FGF12: variants seen among roughly 807,000 people sequenced by gnomAD.
The protein encoded by FGF12 is fibroblast growth factor 12, also known as fibroblast growth factor 12B.
FGF12 carries 14 observed loss-of-function variants against 23.6 expected under a neutral mutation model. The observed-to-expected ratio is 0.59, with a 90% CI of 0.39 to 0.93. The LOEUF is 0.93. FGF12 is among the 40% of genes least tolerant of loss of function. FGF12 has a pLI of 0.00. For synonymous variants in FGF12, 62 were observed against 77.3 expected, an observed-to-expected ratio of 0.80 and a Z score of 1.04; for missense variants, 175 against 217.8, an observed-to-expected ratio of 0.80 and a Z score of 1.24.
chr3:192,296,744 T>G lies in FGF12; in HGVS notation c.228+38617A>C, dbSNP rs116196329. Among the ~76,000 whole-genome samples, 1,048 of 152,262 alleles carry G rather than the reference T, an allele frequency of 6.9e-3. 9 individuals carry two copies. The highest frequency in any genetic ancestry group is 0.024 in the African/African-American group (1,001 of 41,546). On this transcript the variant is annotated intron_variant, in intron 4 of 5. Transcript: ENST00000445105. Reference sequence around the variant, plus strand: ...TTCTGTATGAAACTTTTACAATCCCTTAAGAAATGTCCTGCAAATTTGATA... The same window carrying G: ...TTCTGTATGAAACTTTTACAATCCCGTAAGAAATGTCCTGCAAATTTGATA...
chr3:192,465,277 T>C (rs1722977681), intron 2 of FGF12, among the ~76,000 whole-genome samples: 1 of 152,196 alleles, frequency 6.6e-6, no homozygotes, highest in South Asian at 2.1e-4. Flanking sequence ...CTGGCAACAG[T>C]GAAATATTTA....
chr3:192,258,425 T>C (rs1222608474), intron 4 of FGF12, among the ~76,000 whole-genome samples: 1 of 152,052 alleles, frequency 6.6e-6, no homozygotes, highest in East Asian at 1.9e-4. Context: ...ACTACTGCAT[T>C]CCAGCTGGGT....
chr3:192,385,338 GT>G (rs199824698), intron 2 of FGF12, among the ~76,000 whole-genome samples: 2,535 of 152,186 alleles, frequency 0.017, 27 homozygotes, highest in Middle Eastern at 0.075. Context: ...AAGGTAGGTA[GT>G]ATTCAAACTC....
chr3:192,372,816 C>A (rs776458147), intron 2 of FGF12, among the ~76,000 whole-genome samples: 3 of 152,156 alleles, frequency 2.0e-5, no homozygotes, highest in Admixed American at 1.3e-4. Context: ...AAACGTCAGA[C>A]CCTTAGCATG....
At chr3:192,718,196 T>C (rs1349667842) in intron 2 of FGF12, among the ~76,000 whole-genome samples, 1 of 126,920 alleles carries the variant, frequency 7.9e-6, no homozygotes, top group Non-Finnish European at 1.6e-5. Flanking sequence ...AGCAAGAAGG[T>C]GCTGGTTAGG....
chr3:192,657,570 C>G (rs1242981934), intron 2 of FGF12, among the ~76,000 whole-genome samples: 2 of 152,120 alleles, frequency 1.3e-5, no homozygotes, highest in Non-Finnish European at 2.9e-5. Context: ...CACCAAATTC[C>G]TTTTGGCTTT....
chr3:192,155,899 A>G (rs765918327), intron 5 of FGF12, among the ~76,000 whole-genome samples: 1 of 152,142 alleles, frequency 6.6e-6, no homozygotes, highest in Non-Finnish European at 1.5e-5. Context: ...TAATAATCAG[A>G]TCCTTATTAT....
At chr3:192,566,712 A>G (rs528445386) in intron 2 of FGF12, among the ~76,000 whole-genome samples, 2 of 152,296 alleles carry the variant, frequency 1.3e-5, no homozygotes, top group African/African-American at 4.8e-5. Context: ...AGTTTCCCTC[A>G]AACAAGAACA....
rs75690397 is a variant in FGF12 at position 192,368,581 on chromosome 3, A to G, written c.14-8043T>C. On this transcript the variant is annotated intron_variant, in intron 2 of 5. Transcript: ENST00000445105. Reference sequence around the variant, plus strand: ...TAATAATGGTAAAGATTAATAACCAACAGATTAGAGGCTCTCTGAAGATCC... The same window carrying G: ...TAATAATGGTAAAGATTAATAACCAGCAGATTAGAGGCTCTCTGAAGATCC... Among the ~76,000 whole-genome samples, 1,039 of 152,310 alleles carry G rather than the reference A, an allele frequency of 6.8e-3. 9 individuals are homozygous for G. The highest frequency in any genetic ancestry group is 0.024 in the African/African-American group (995 of 41,566).
chr3:192,450,575 A>C (rs1722494507), intron 2 of FGF12, among the ~76,000 whole-genome samples: 1 of 152,212 alleles, frequency 6.6e-6, no homozygotes, highest in Non-Finnish European at 1.5e-5. Context: ...TCATGTTATG[A>C]TTCATCCAAA....
chr3:192,199,617 T>C (rs1217696517), intron 4 of FGF12, among the ~76,000 whole-genome samples: 1 of 152,194 alleles, frequency 6.6e-6, no homozygotes, highest in East Asian at 1.9e-4. Flanking sequence ...AGTTTAGGAA[T>C]AAAGGATAAT....
At chr3:192,656,024 A>G (rs9868627) in intron 2 of FGF12, among the ~76,000 whole-genome samples, 81,253 of 140,534 alleles carry the variant, frequency 0.58, 23,756 homozygotes, top group East Asian at 0.67. Context: ...AAATTCCCTC[A>G]TCCAGGAGGT....
intron 5 of FGF12, among the ~76,000 whole-genome samples, chr3:192,167,909 G>A (rs777785425): frequency 3.3e-5 from 5 of 149,676 alleles, no homozygotes; most frequent in East Asian, 3.9e-4. Flanking sequence ...TGGGATTACC[G>A]GCACGTGCCA....
chr3:192,216,428 C>T (rs1378320920), intron 4 of FGF12, among the ~76,000 whole-genome samples: 1 of 152,126 alleles, frequency 6.6e-6, no homozygotes, highest in Non-Finnish European at 1.5e-5. Flanking sequence ...AAAACAAGAT[C>T]ACTCTTGCAT....
chr3:192,505,309 C>G (rs1004459546), intron 2 of FGF12, among the ~76,000 whole-genome samples: 1 of 152,224 alleles, frequency 6.6e-6, no homozygotes, highest in Non-Finnish European at 1.5e-5. Context: ...AAGCCTCATT[C>G]CCGCTGCTTC....
chr3:192,486,760 A>C (rs1012665695), intron 2 of FGF12, among the ~76,000 whole-genome samples: 1 of 152,028 alleles, frequency 6.6e-6, no homozygotes, highest in East Asian at 1.9e-4. Context: ...TATTTTGAGA[A>C]CATCAGGCTA....
At chr3:192,252,583 T>C (rs967822033) in intron 4 of FGF12, among the ~76,000 whole-genome samples, 1 of 150,504 alleles carries the variant, frequency 6.6e-6, no homozygotes, top group Non-Finnish European at 1.5e-5. Flanking sequence ...AATAAAAATG[T>C]ATGTACCTAT....
chr3:192,240,497 A>G (rs888678266), intron 4 of FGF12, among the ~76,000 whole-genome samples: 1 of 152,212 alleles, frequency 6.6e-6, no homozygotes, highest in Non-Finnish European at 1.5e-5. Flanking sequence ...ATGTAAACTT[A>G]GCTGTTATAT....
At chr3:192,548,137 T>C (rs1476707893) in intron 2 of FGF12, among the ~76,000 whole-genome samples, 1 of 152,122 alleles carries the variant, frequency 6.6e-6, no homozygotes, top group Non-Finnish European at 1.5e-5. Flanking sequence ...AAAATACACA[T>C]TTCCTGTTTT....
Sources: gnomAD v4.1 joint callset for allele counts (sites outside exome capture counted in the v4.1 genomes callset) on GRCh38, gnomAD v4.1.1 for gene constraint, MANE v1.5 for transcripts, NCBI Gene and HGNC (gene_info 2026-07-23, HGNC 2026-07-21) for gene names.